Variants in ZNF638 observed in about 807,000 individuals in gnomAD.
The protein encoded by ZNF638 is CTCL tumor antigen se33-1.
ZNF638 carries 46 observed loss-of-function variants against 195.6 expected under a neutral mutation model. The observed-to-expected ratio is 0.24, with a 90% CI of 0.19 to 0.30. The LOEUF is 0.30. Ranked by LOEUF, ZNF638 falls within the 10% of genes least tolerant of loss-of-function variation. The pLI, the probability that ZNF638 is intolerant of heterozygous loss-of-function variation, is 1.00. For synonymous variants in ZNF638, 845 were observed against 772.0 expected, an observed-to-expected ratio of 1.09 and a Z score of -1.57; for missense variants, 2,440 against 2,325.3, an observed-to-expected ratio of 1.05 and a Z score of -1.01.
At chr2:71,410,258 A>C in intron 20 of ZNF638, among the ~76,000 whole-genome samples, 1 of 152,166 alleles carries the variant, frequency 6.6e-6, no homozygotes, top group Non-Finnish European at 1.5e-5. Flanking sequence ...CATGGCCCAC[A>C]TGATTTAAAC....
intron 10 of ZNF638, among the ~76,000 whole-genome samples, chr2:71,382,175 C>T (rs1262949763): frequency 6.6e-6 from 1 of 152,108 alleles, no homozygotes; most frequent in Non-Finnish European, 1.5e-5. Context: ...GGAAAACTCA[C>T]AGTGGTGCCT....
At chr2:71,343,530 T>C (rs1484255995) in intron 1 of ZNF638, among the ~76,000 whole-genome samples, 4 of 152,032 alleles carry the variant, frequency 2.6e-5, no homozygotes, top group Non-Finnish European at 5.9e-5. Flanking sequence ...TTTAGCAAAA[T>C]TGAGATGTAT....
At chr2:71,355,892 A>G (rs2079015334) in intron 3 of ZNF638, 112 bp downstream of exon 3, 1 of 529,220 alleles carries the variant, frequency 1.9e-6, no homozygotes, top group Non-Finnish European at 3.1e-6. Flanking sequence ...ATATTTTTGG[A>G]AAGCTATTGT....
At chr2:71,419,273 T>C (rs976431127) in intron 21 of ZNF638, among the ~76,000 whole-genome samples, 1 of 152,212 alleles carries the variant, frequency 6.6e-6, no homozygotes, top group African/African-American at 2.4e-5. Flanking sequence ...AGTTGATGAC[T>C]TGCCTTTCAC....
intron 20 of ZNF638, among the ~76,000 whole-genome samples, chr2:71,411,459 T>A (rs1265118307): frequency 7.9e-4 from 91 of 114,994 alleles, no homozygotes; most frequent in African/African-American, 2.4e-3. Context: ...ATTTATTTTT[T>A]ATTTTTTATT....
Position 71,349,800 on chromosome 2 carries a change from G to A in ZNF638, c.846G>A (p.Arg282=). The A allele has an allele frequency of 6.2e-7, 1 of 1,614,094 alleles. No homozygotes were observed. Among genetic ancestry groups the A allele is most frequent in the South Asian group, 1.1e-5 (1 of 91,082 alleles). The change falls in exon 2 of 28, where the codon CGG becomes CGA. Residue 282 remains arginine, a synonymous_variant. Coordinates refer to ENST00000264447, the MANE Select transcript of ZNF638 (RefSeq NM_014497.5). The part of the protein sequence containing the change: ...MDFPGESSNN[R]SFFSVESGTK... ...TCCCCGGTGAGTCCTCCAATAATCG[G>A]TCCTTTTTCTCAGTTGAGAGTGGAA...
intron 19 of ZNF638, 154 bp from the exon 20 acceptor site, chr2:71,407,968 T>C (rs1356792079): frequency 1.6e-6 from 1 of 611,906 alleles, no homozygotes; most frequent in African/African-American, 1.9e-5. Flanking sequence ...TTGTGAATAA[T>C]GCTTCTGTGA....
At chr2:71,377,344 CAAAA>C (rs201563992) in intron 8 of ZNF638, among the ~76,000 whole-genome samples, 2 of 151,318 alleles carry the variant, frequency 1.3e-5, no homozygotes, top group African/African-American at 4.9e-5. Flanking sequence ...CAACCTTGTG[CAAAA>C]AAAACAATTT....
At chr2:71,419,293 T>C (rs1192243522) in intron 21 of ZNF638, among the ~76,000 whole-genome samples, 1 of 152,342 alleles carries the variant, frequency 6.6e-6, no homozygotes, top group African/African-American at 2.4e-5. Context: ...CTGCTCTTCA[T>C]TGTAAATCAC....
chr2:71,386,736 A>C (rs1385388865), intron 10 of ZNF638, among the ~76,000 whole-genome samples: 1 of 152,258 alleles, frequency 6.6e-6, no homozygotes, highest in Non-Finnish European at 1.5e-5. Flanking sequence ...CATTTATAAT[A>C]ATAAAAATGG....
intron 8 of ZNF638, among the ~76,000 whole-genome samples, chr2:71,373,133 AC>A (rs2079345639): frequency 6.6e-6 from 1 of 152,236 alleles, no homozygotes; most frequent in African/African-American, 2.4e-5. Context: ...TGAGAGTATT[AC>A]CAACAACATC....
At chr2:71,428,870 C>G (rs2080595986) in intron 25 of ZNF638, 1 of 369,416 alleles carries the variant, frequency 2.7e-6, no homozygotes, top group Non-Finnish European at 4.9e-6. Context: ...AGGAAATGAT[C>G]CTCGAAAGGT....
At chr2:71,397,028 A>G (rs2079907420) in intron 11 of ZNF638, among the ~76,000 whole-genome samples, 1 of 152,216 alleles carries the variant, frequency 6.6e-6, no homozygotes, top group South Asian at 2.1e-4. Flanking sequence ...AATCATTATT[A>G]GTGGCAGATC....
intron 3 of ZNF638, among the ~76,000 whole-genome samples, chr2:71,360,583 C>G (rs1027372922): frequency 6.8e-6 from 1 of 147,332 alleles, no homozygotes; most frequent in Non-Finnish European, 1.5e-5. Flanking sequence ...TTTTGTTTGT[C>G]TTTTTTTTTT....
intron 10 of ZNF638, among the ~76,000 whole-genome samples, chr2:71,386,331 A>G (rs1284004551): frequency 1.3e-5 from 2 of 149,844 alleles, no homozygotes; most frequent in African/African-American, 4.9e-5. Context: ...TCTTAAATTT[A>G]TGATATGTAT....
Position 71,409,802 on chromosome 2 carries a change from A to G in ZNF638, c.3261+1555A>G, listed in dbSNP as rs1295990474. Reference sequence around the variant, plus strand: ...AAATTTAGGGTCATTTGCTTTGTCGACCAATTATATACACCTTTGGTTTTC... The same window carrying G: ...AAATTTAGGGTCATTTGCTTTGTCGGCCAATTATATACACCTTTGGTTTTC... On this transcript the variant is annotated intron_variant, in intron 20 of 27. Coordinates refer to ENST00000264447, the MANE Select transcript of ZNF638 (RefSeq NM_014497.5). 2.6e-5 allele frequency among the ~76,000 whole-genome samples: 4 copies of G among 152,156 alleles called. No individual in the cohort carries two copies. The East Asian group carries it at 7.7e-4, about 29-fold the overall frequency.
At chr2:71,380,806 CCA>C in intron 10 of ZNF638, 2 of 345,354 alleles carry the variant, frequency 5.8e-6, no homozygotes, top group Non-Finnish European at 1.0e-5. Flanking sequence ...TATCGTAGTT[CCA>C]CAGTTAATAG....
intron 8 of ZNF638, chr2:71,379,440 C>T (rs2079494353): frequency 6.6e-6 from 1 of 152,198 alleles, no homozygotes; most frequent in Admixed American, 6.5e-5. Flanking sequence ...TATATGCTAC[C>T]TGCCCACTAG....
Position 71,427,063 on chromosome 2 carries a change from A to G in ZNF638, c.5194A>G (p.Thr1732Ala), listed in dbSNP as rs2080554167. ...TTCTCAGGTGCCCGAAGACCCTTCTACTTTAGTTACTGTAGATGAAATACA... is the reference window on the plus strand; with the variant it reads ...TTCTCAGGTGCCCGAAGACCCTTCTGCTTTAGTTACTGTAGATGAAATACA... Reference protein sequence around the residue: ...ISSQVPEDPSTLVTVDEIQDD... With the variant: ...ISSQVPEDPSALVTVDEIQDD... The change falls in exon 24 of 28, where the codon ACT becomes GCT. Residue 1732 changes from threonine to alanine, a missense_variant. Physicochemically the swap from Thr to Ala is moderately conservative, Grantham distance 58. Around this residue, in one of 5 missense-constraint regions of ZNF638, gnomAD observed 1,883 missense variants for 1,739.1 expected, o/e 1.08. Transcript: ENST00000264447. The G allele has an allele frequency of 1.2e-6, 2 of 1,613,994 alleles. No individual in the cohort carries two copies.
Sources: gnomAD v4.1 joint callset for allele counts (sites outside exome capture counted in the v4.1 genomes callset) on GRCh38, gnomAD v4.1.1 for gene constraint, gnomAD v4.1.1 regional missense constraint, MANE v1.5 for transcripts, NCBI Gene and HGNC (gene_info 2026-07-23, HGNC 2026-07-21) for gene names.